The following SMARCA4 variants were observed in gnomAD, a reference collection of about 807,000 sequenced individuals.
SMARCA4 encodes SWI/SNF related BAF chromatin remodeling complex subunit ATPase 4, also known as SWI/SNF-related matrix-associated actin-dependent regulator of chromatin subfamily A member 4.
SMARCA4 carries 31 observed loss-of-function variants against 193.9 expected under a neutral mutation model. That is an observed-to-expected ratio of 0.16 (90% CI 0.12 to 0.22). The LOEUF is 0.22. Ranked by LOEUF, SMARCA4 falls within the 10% of genes least tolerant of loss-of-function variation. The probability of loss-of-function intolerance (pLI) is 1.00; values close to 1 mark genes in which losing one functional copy is unlikely to be tolerated. For synonymous variants in SMARCA4, 942 were observed against 933.1 expected, an observed-to-expected ratio of 1.01 and a Z score of -0.17; for missense variants, 1,148 against 2,296.0, an observed-to-expected ratio of 0.50 and a Z score of 10.22.
intron 16 of SMARCA4, among the ~76,000 whole-genome samples, chr19:11,014,931 G>A (rs149671698): frequency 0.025 from 3,810 of 151,998 alleles, 152 homozygotes; most frequent in African/African-American, 0.086. Context: ...TCCTGCCTCA[G>A]CCTCCCGAGT....
intron 1 of SMARCA4, among the ~76,000 whole-genome samples, chr19:10,964,546 A>G (rs542738793): frequency 2.0e-5 from 3 of 151,728 alleles, no homozygotes; most frequent in African/African-American, 7.3e-5. Context: ...CCTGACCTCA[A>G]CTGATCCACC....
chr19:10,999,675 T>C (rs754600844), intron 11 of SMARCA4, among the ~76,000 whole-genome samples: 1 of 151,982 alleles, frequency 6.6e-6, no homozygotes, highest in Non-Finnish European at 1.5e-5. Context: ...AAAAGAATCT[T>C]GAGGTTATAC....
At chr19:11,010,610 T>A (rs2146243635) in intron 15 of SMARCA4, 79 bp downstream of exon 15, 1 of 1,400,818 alleles carries the variant, frequency 7.1e-7, no homozygotes, top group Non-Finnish European at 1.0e-6. Flanking sequence ...GCTTCAGACC[T>A]CAGGCAGACC....
Position 11,033,823 on chromosome 19 carries a change from G to A in SMARCA4, c.3831G>A (p.Pro1277=), listed in dbSNP as rs371304615. The change falls in exon 27 of 35, where the codon CCG becomes CCA. Residue 1277 remains proline, a synonymous_variant. Transcript: ENST00000344626. The surrounding 1 kb of genome is among the most constrained non-coding windows in gnomAD (Gnocchi z 9.8). ...CCAGCTTCGCCCACACTGCCCCTCC[G>A]CCAGCGGGCGTCAACCCCGACTTGG... ...GSASFAHTAP[P]PAGVNPDLEE... The A allele has an allele frequency of 1.5e-5, 12 of 779,300 alleles. No homozygotes were observed. The highest frequency in any genetic ancestry group is 4.8e-5 in the East Asian group (2 of 41,244). 48.3% of individuals were successfully genotyped at this position (779,300 alleles called of 1,614,324 possible).
At chr19:11,008,049 C>G (rs1324862576) in intron 14 of SMARCA4, 26 bp downstream of exon 14, 1 of 1,608,524 alleles carries the variant, frequency 6.2e-7, no homozygotes, top group Non-Finnish European at 8.5e-7. Flanking sequence ...ACAGGTTGTT[C>G]TGTGCCAGCT....
chr19:10,983,147 C>T lies in SMARCA4; in HGVS notation c.-31-974C>T, dbSNP rs537354326. Among the ~76,000 whole-genome samples the T allele has an allele frequency of 1.8e-4, 28 of 152,238 alleles. No individual in the cohort carries two copies. The East Asian group carries it at 5.2e-3, about 28-fold the overall frequency. The stretch of plus-strand genomic sequence containing the variant: ...TCAGCCAGCGAGGGCCTTCAGCCAG[C>T]GAGGCGGAGAAGCCTCTTTACAGAC... On this transcript the variant is annotated intron_variant, in intron 1 of 34. Coordinates refer to ENST00000344626, the MANE Select transcript of SMARCA4 (RefSeq NM_003072.5).
rs774583744 is a variant in SMARCA4 at position 11,058,790 on chromosome 19, G to A, written c.4536G>A (p.Glu1512=). 2 of 1,613,964 alleles carry A rather than the reference G, an allele frequency of 1.2e-6. No homozygotes were observed. Residue 1512 remains glutamate, a splice_region_variant and synonymous_variant, in exon 32 of 35, where the codon GAG becomes GAA. Transcript: ENST00000344626. This position sits in a 1 kb window ranked among gnomAD's most constrained non-coding sequence, Gnocchi z 5.8. ...CCTGCTCCTCCCGTCCACTGCAGGAGCGCATTCGCAACCACAAGTACCGCA... is the reference window on the plus strand; with the variant it reads ...CCTGCTCCTCCCGTCCACTGCAGGAACGCATTCGCAACCACAAGTACCGCA... The part of the protein sequence containing the change: ...RKPVDFKKIK[E]RIRNHKYRSL...
In SMARCA4 at chr19:11,027,708, A is replaced by G; in HGVS notation, c.3216-76A>G. On this transcript the variant is annotated intron_variant, in intron 23 of 34. Coordinates refer to ENST00000344626, the MANE Select transcript of SMARCA4 (RefSeq NM_003072.5). ...CGCCTGGCCTGGAGGCGGGCGATGC[A>G]CCTCCTGCCTTACCTGCCTGCAGGG... 5 of 1,545,576 alleles carry G rather than the reference A, an allele frequency of 3.2e-6. No homozygotes were observed. In the South Asian group the frequency reaches 5.6e-5, roughly 17 times the overall value.
chr19:11,005,416 A>G lies in SMARCA4; in HGVS notation c.2001+2019A>G, dbSNP rs183976810. 3.3e-3 allele frequency among the ~76,000 whole-genome samples: 496 copies of G among 152,244 alleles called. 5 individuals carry two copies. Among genetic ancestry groups the G allele is most frequent in the Non-Finnish European group, 5.1e-4 (35 of 67,998 alleles). ...TTTGTCACTTAGTGGTCATCCAAAG[A>G]TTGGCCACAGTTTGTGCTCAGACAC... is the stretch of plus-strand genomic sequence containing the variant. On this transcript the variant is annotated intron_variant, in intron 13 of 34. Transcript: ENST00000344626.
chr19:10,988,014 A>G, intron 6 of SMARCA4, 90 bp downstream of exon 6: 1 of 1,375,072 alleles, frequency 7.3e-7, no homozygotes, highest in Non-Finnish European at 1.0e-6. Flanking sequence ...CCACTCTAGC[A>G]AACAGTGCCC....
intron 13 of SMARCA4, among the ~76,000 whole-genome samples, chr19:11,006,700 G>T (rs546411595): frequency 2.6e-4 from 39 of 152,264 alleles, no homozygotes; most frequent in African/African-American, 8.2e-4. Flanking sequence ...GAGAATAGAC[G>T]TGTAATGTTC....
At chr19:11,007,787 GA>G in intron 13 of SMARCA4, 114 bp from the exon 14 acceptor site, 2 of 965,092 alleles carry the variant, frequency 2.1e-6, no homozygotes, top group Non-Finnish European at 3.3e-6. Flanking sequence ...AGGATAGGTA[GA>G]GGGGGTGAGG....
chr19:10,999,043 C>T (rs1432688352), intron 11 of SMARCA4, among the ~76,000 whole-genome samples: 4 of 151,978 alleles, frequency 2.6e-5, no homozygotes, highest in African/African-American at 7.3e-5. Context: ...CCTGGGGCTA[C>T]AGGCGCACGC....
In SMARCA4 at chr19:11,041,013, T is replaced by C. The variant is rs2075572038; in HGVS notation, c.4171-294T>C. 2.6e-6 allele frequency: 1 copy of C among 386,168 alleles called. No homozygotes were observed. The highest frequency in any genetic ancestry group is 4.7e-6 in the Non-Finnish European group (1 of 214,604). The allele number at this position is 386,168 out of a possible 1,614,324, so 23.9% of individuals were successfully genotyped here. On this transcript the variant is annotated intron_variant, in intron 29 of 34. Transcript: ENST00000344626. The surrounding 1 kb of genome is among the most constrained non-coding windows in gnomAD (Gnocchi z 5.6). ...GGGTGAAGGGATTTCAGGAGCACGT[T>C]CTTTTCTGTACAGAGAAGATAGTTC...
Position 11,058,115 on chromosome 19 carries a change from A to AT in SMARCA4, c.4425-140_4425-139insT. ...GAGCGAAACTCCGTCTCAAAAAAAA[A>AT]AAAAGCGCATGTGCAAGAAATAGCT... On this transcript the variant is annotated intron_variant, in intron 30 of 34. Transcript: ENST00000344626. This position sits in a 1 kb window ranked among gnomAD's most constrained non-coding sequence, Gnocchi z 5.8. 1.5e-6 allele frequency: 1 copy of AT among 651,182 alleles called. No individual in the cohort carries two copies. The highest frequency in any genetic ancestry group is 2.7e-6 in the Non-Finnish European group (1 of 365,130). 40.3% of individuals were successfully genotyped at this position (651,182 alleles called of 1,614,324 possible). A position where few individuals can be genotyped will look rare whatever the true frequency, so the allele number is the denominator to read the frequency against.
chr19:11,008,890 C>T (rs982938524), intron 14 of SMARCA4, among the ~76,000 whole-genome samples: 3 of 148,420 alleles, frequency 2.0e-5, no homozygotes, highest in Non-Finnish European at 1.5e-5. Context: ...AGGAGAATCG[C>T]TTGAAATGGG....
In SMARCA4 at chr19:11,021,705, G is replaced by T; in HGVS notation, c.2617-20G>T. On this transcript the variant is annotated intron_variant, in intron 18 of 34. Coordinates refer to ENST00000344626, the MANE Select transcript of SMARCA4 (RefSeq NM_003072.5). The stretch of plus-strand genomic sequence containing the variant: ...CCACCTGCTGCCCCCTGCCCTGATT[G>T]CCCACTCTGGGGCCCGCAGATCCGT... The T allele has an allele frequency of 6.3e-7, 1 of 1,597,976 alleles. No homozygotes were observed. Among genetic ancestry groups the T allele is most frequent in the Non-Finnish European group, 8.5e-7 (1 of 1,172,100 alleles).
Position 11,006,581 on chromosome 19 carries a change from T to A in SMARCA4, c.2002-1321T>A, listed in dbSNP as rs192164014. Among the ~76,000 whole-genome samples, 3 of 152,094 alleles carry A rather than the reference T, an allele frequency of 2.0e-5. No individual in the cohort carries two copies. In the East Asian group the frequency reaches 5.8e-4, roughly 29 times the overall value. On this transcript the variant is annotated intron_variant, in intron 13 of 34. Coordinates refer to ENST00000344626, the MANE Select transcript of SMARCA4 (RefSeq NM_003072.5). Reference sequence around the variant, plus strand: ...GCCTGGCCAACATGATGAAACCCCGTCTCTACTAAAAAATACAAAAATTAG... The same window carrying A: ...GCCTGGCCAACATGATGAAACCCCGACTCTACTAAAAAATACAAAAATTAG...
chr19:11,033,936 C>T lies in SMARCA4; in HGVS notation c.3873+71C>T, dbSNP rs1172913839. On this transcript the variant is annotated intron_variant, in intron 27 of 34. Transcript: ENST00000344626. This position sits in a 1 kb window ranked among gnomAD's most constrained non-coding sequence, Gnocchi z 9.8. ...CTCGGCTGAGACGGCCAGCAAGGGC[C>T]CTGGTCCCACGGAGCGTGCGTGTGC... 1 of 754,088 alleles carries T rather than the reference C, an allele frequency of 1.3e-6. No homozygotes were observed. The highest frequency in any genetic ancestry group is 1.7e-5 in the African/African-American group (1 of 58,814). 46.7% of individuals were successfully genotyped at this position (754,088 alleles called of 1,614,324 possible).
Sources: allele counts gnomAD v4.1 joint callset (sites outside exome capture counted in the v4.1 genomes callset), GRCh38; gene constraint gnomAD v4.1.1; non-coding constraint Gnocchi (gnomAD v3.1); transcripts MANE v1.5; gene names NCBI Gene and HGNC (gene_info 2026-07-23, HGNC 2026-07-21).